IKZF3: variants seen among roughly 807,000 people sequenced by gnomAD.
IKZF3 encodes IKAROS family zinc finger 3.
A neutral mutation model predicts 49.0 loss-of-function variants in IKZF3; 10 were observed. The observed-to-expected ratio is 0.20, with a 90% CI of 0.13 to 0.35. The LOEUF (loss-of-function observed/expected upper bound fraction) is 0.35, where lower values mean the gene tolerates loss of function less well. IKZF3 is among the 10% of genes least tolerant of loss of function. The pLI is 1.00. For missense variants in IKZF3, 498 were observed against 664.8 expected, an observed-to-expected ratio of 0.75 and a Z score of 2.76; for synonymous variants, 209 against 228.2, an observed-to-expected ratio of 0.92 and a Z score of 0.76.
chr17:39,844,257 T>C (rs1032143233), intron 1 of IKZF3, among the ~76,000 whole-genome samples: 3 of 152,228 alleles, frequency 2.0e-5, no homozygotes, highest in African/African-American at 7.2e-5. Context: ...TTTCCTGTAC[T>C]GATGTTTATA....
At chr17:39,832,179 G>A in intron 1 of IKZF3, 28 bp from the exon 2 acceptor site, 1 of 1,540,120 alleles carries the variant, frequency 6.5e-7, no homozygotes, top group Non-Finnish European at 9.0e-7. Context: ...ATAAATATTA[G>A]CTACTTAGGG....
At chr17:39,818,272 C>A (rs530322735) in intron 3 of IKZF3, among the ~76,000 whole-genome samples, 53 of 152,234 alleles carry the variant, frequency 3.5e-4, no homozygotes, top group African/African-American at 5.8e-4. Context: ...CTGAATACTA[C>A]GTTTTTTCCT....
chr17:39,830,615 A>T (rs1192961964), intron 2 of IKZF3, among the ~76,000 whole-genome samples: 1 of 152,262 alleles, frequency 6.6e-6, no homozygotes, highest in Non-Finnish European at 1.5e-5. Flanking sequence ...TTATTTTCAC[A>T]TATAGGCATA....
chr17:39,863,153 A>G (rs1429400691), intron 1 of IKZF3, among the ~76,000 whole-genome samples: 1 of 152,168 alleles, frequency 6.6e-6, no homozygotes, highest in African/African-American at 2.4e-5. Context: ...ATAAACCATT[A>G]TTTAAATGTT....
chr17:39,796,793 A>G (rs1384692403), intron 3 of IKZF3, among the ~76,000 whole-genome samples: 2 of 146,036 alleles, frequency 1.4e-5, no homozygotes, highest in Non-Finnish European at 3.0e-5. Flanking sequence ...TGATCCACCC[A>G]CCTCGGCCTC....
intron 1 of IKZF3, among the ~76,000 whole-genome samples, chr17:39,837,781 G>A (rs1408773851): frequency 1.3e-5 from 2 of 151,856 alleles, no homozygotes; most frequent in East Asian, 1.9e-4. Context: ...TGGGACTACA[G>A]GCGCCCACCA....
At chr17:39,778,244 T>C (rs1221397721) in intron 6 of IKZF3, 1 of 886,364 alleles carries the variant, frequency 1.1e-6, no homozygotes, top group Non-Finnish European at 1.4e-6. Context: ...CTCACACAGA[T>C]AGCAAGACAT....
Position 39,846,715 on chromosome 17 carries a change from C to T in IKZF3, c.8-14564G>A, listed in dbSNP as rs146256827. 1.9e-3 allele frequency among the ~76,000 whole-genome samples: 291 copies of T among 151,992 alleles called. 1 individual carries two copies. Among genetic ancestry groups the T allele is most frequent in the African/African-American group, 6.8e-3 (283 of 41,482 alleles). On this transcript the variant is annotated intron_variant, in intron 1 of 7. Coordinates refer to ENST00000346872, the MANE Select transcript of IKZF3 (RefSeq NM_012481.5). ...AAAATGTACAATCATGTTTTTAATT[C>T]TAATGGTTATAAACTTGCCTTTATT...
At position 39,761,318 on chromosome 17, in the gene IKZF3, C is replaced by CT. The variant is rs982546945; in HGVS notation, c.*4471dup. ...AAAGACTGATGAGTTCATTTTCTCT[C>CT]TTTTTTTTTTCTGGTGGTAGTGGTG... On this transcript the variant is annotated 3_prime_UTR_variant, in exon 8 of 8. Transcript: ENST00000346872. The CT allele has an allele frequency of 2.7e-4, 40 of 149,678 alleles. No homozygotes were observed. The highest frequency in any genetic ancestry group is 6.7e-4 in the Admixed American group (10 of 15,034). 9.3% of individuals were successfully genotyped at this position (149,678 alleles called of 1,614,324 possible).
chr17:39,819,094 A>C (rs1482095579), intron 3 of IKZF3, among the ~76,000 whole-genome samples: 1 of 152,096 alleles, frequency 6.6e-6, no homozygotes, highest in Non-Finnish European at 1.5e-5. Context: ...GGTTCCTAAC[A>C]AGGTGCTTCA....
intron 2 of IKZF3, among the ~76,000 whole-genome samples, chr17:39,830,009 C>A (rs2062068003): frequency 6.6e-6 from 1 of 152,086 alleles, no homozygotes; most frequent in African/African-American, 2.4e-5. Flanking sequence ...TCTGAATACA[C>A]ACAACTTTCT....
chr17:39,852,548 C>A (rs2062908820), intron 1 of IKZF3, among the ~76,000 whole-genome samples: 1 of 152,192 alleles, frequency 6.6e-6, no homozygotes, highest in South Asian at 2.1e-4. Context: ...TCCTGTCTCA[C>A]TGACTGCTCT....
chr17:39,826,933 A>G (rs1245015188), intron 3 of IKZF3, among the ~76,000 whole-genome samples: 1 of 152,244 alleles, frequency 6.6e-6, no homozygotes, highest in Non-Finnish European at 1.5e-5. Context: ...GACCCCACAC[A>G]TAGTTGGCAA....
chr17:39,863,244 A>G (rs2063264390), intron 1 of IKZF3, among the ~76,000 whole-genome samples: 1 of 152,206 alleles, frequency 6.6e-6, no homozygotes. Context: ...TAACAACTTT[A>G]TATACTCTAG....
intron 1 of IKZF3, among the ~76,000 whole-genome samples, chr17:39,859,115 T>A (rs1276113683): frequency 2.0e-5 from 3 of 151,848 alleles, no homozygotes; most frequent in Non-Finnish European, 4.4e-5. Context: ...AGCCCTTAAA[T>A]TTTTTAAGTA....
At chr17:39,814,010 C>T (rs1478765398) in intron 3 of IKZF3, among the ~76,000 whole-genome samples, 1 of 152,218 alleles carries the variant, frequency 6.6e-6, no homozygotes, top group Non-Finnish European at 1.5e-5. Context: ...AATTAGCATC[C>T]ATAAACCACA....
At chr17:39,812,522 A>C (rs868662894) in intron 3 of IKZF3, among the ~76,000 whole-genome samples, 5 of 152,200 alleles carry the variant, frequency 3.3e-5, no homozygotes, top group Non-Finnish European at 5.9e-5. Flanking sequence ...GTCAGCCAGC[A>C]TACAAAATTG....
intron 7 of IKZF3, among the ~76,000 whole-genome samples, chr17:39,775,606 A>C (rs185164848): frequency 5.3e-5 from 8 of 152,340 alleles, no homozygotes; most frequent in Admixed American, 5.2e-4. Flanking sequence ...TCTTACACCA[A>C]AATGCATTGA....
chr17:39,853,400 C>A (rs543814442), intron 1 of IKZF3, among the ~76,000 whole-genome samples: 3 of 152,126 alleles, frequency 2.0e-5, no homozygotes, highest in Non-Finnish European at 2.9e-5. Context: ...CTTTTAAAAT[C>A]TTTTAAACAA....
Sources: gnomAD v4.1 joint callset for allele counts (sites outside exome capture counted in the v4.1 genomes callset) on GRCh38, gnomAD v4.1.1 for gene constraint, MANE v1.5 for transcripts, NCBI Gene and HGNC (gene_info 2026-07-23, HGNC 2026-07-21) for gene names.